Variants in LMNTD2 observed in about 807,000 individuals in gnomAD.
LMNTD2 encodes lamin tail domain-containing protein 2.
LMNTD2 carries 83 observed loss-of-function variants against 70.1 expected under a neutral mutation model. The observed-to-expected ratio is 1.18, with a 90% confidence interval of 0.99 to 1.42. LMNTD2 has a LOEUF of 1.42. LMNTD2 is among the 40% of genes most tolerant of loss of function. The pLI is 0.00. For missense variants in LMNTD2, 1,153 were observed against 905.9 expected (o/e 1.27, Z -3.50); for synonymous variants, 534 against 406.1 (o/e 1.31, Z -3.79).
intron 2 of LMNTD2, 40 bp from the exon 3 acceptor site, chr11:558,806 C>G: frequency 6.3e-7 from 1 of 1,597,408 alleles, no homozygotes; most frequent in Non-Finnish European, 8.6e-7. Flanking sequence ...TCAGGCCGGC[C>G]CCTGGCCACC....
At chr11:559,900 C>A in intron 1 of LMNTD2, 1 of 411,536 alleles carries the variant, frequency 2.4e-6, no homozygotes, top group Non-Finnish European at 3.4e-6. Context: ...GCTGAAACTA[C>A]AGGCACCCGC....
At position 556,631 on chromosome 11, in the gene LMNTD2, G is replaced by A. The variant is rs572832326; in HGVS notation, c.977-43C>T. The stretch of plus-strand genomic sequence containing the variant: ...TTTGGGGAGGGGACCCTCGAATGGA[G>A]TCCCCACCGGATGTTCCCCGTGAGG... On this transcript the variant is annotated intron_variant, in intron 8 of 13. Coordinates refer to ENST00000329451, the MANE Select transcript of LMNTD2 (RefSeq NM_173573.3). The A allele has an allele frequency of 2.2e-5, 32 of 1,454,720 alleles. No homozygotes were observed. The Admixed American group carries it at 5.2e-4, about 24-fold the overall frequency. 90.1% of individuals were successfully genotyped at this position (1,454,720 alleles called of 1,614,324 possible). A position where few individuals can be genotyped will look rare whatever the true frequency, so the allele number is the denominator to read the frequency against.
At position 555,385 on chromosome 11, in the gene LMNTD2, C is replaced by T. The variant is rs1167334968; in HGVS notation, c.1693G>A (p.Asp565Asn). The T allele has an allele frequency of 1.4e-6, 2 of 1,408,768 alleles. No homozygotes were observed. The highest frequency in any genetic ancestry group is 9.2e-7 in the Non-Finnish European group (1 of 1,084,822). The allele number at this position is 1,408,768 out of a possible 1,614,324, so 87.3% of individuals were successfully genotyped here. A position where few individuals can be genotyped will look rare whatever the true frequency, so the allele number is the denominator to read the frequency against. ...GCGGGAGGCGACGGCAGGGTGGGGTCACCCGGGATGGCGGGCAGGTGCTGC... is the reference window on the plus strand; with the variant it reads ...GCGGGAGGCGACGGCAGGGTGGGGTTACCCGGGATGGCGGGCAGGTGCTGC... ...APQHLPAIPG[D>N]PTLPSPPAEA... Residue 565 changes from aspartate (D) to asparagine (N), a missense_variant, in exon 13 of 14, where the codon GAC (aspartate) becomes AAC (asparagine). Asp to Asn is a conservative substitution (Grantham distance 23). Coordinates refer to ENST00000329451, the MANE Select transcript of LMNTD2 (RefSeq NM_173573.3).
intron 3 of LMNTD2, 38 bp downstream of exon 3, chr11:558,576 G>A (rs942835783): frequency 2.5e-6 from 4 of 1,576,692 alleles, no homozygotes; most frequent in Non-Finnish European, 3.5e-6. Context: ...GGCGAGGACA[G>A]GGCGGGGTTG....
chr11:555,425 G>C lies in LMNTD2; in HGVS notation c.1653C>G (p.Pro551=). 7.1e-7 allele frequency: 1 copy of C among 1,398,642 alleles called. No homozygotes were observed. The highest frequency in any genetic ancestry group is 1.6e-5 in the South Asian group (1 of 61,218). 86.6% of individuals were successfully genotyped at this position (1,398,642 alleles called of 1,614,324 possible). Residue 551 remains proline (P), a synonymous_variant, in exon 13 of 14, where the codon CCC becomes CCG. Transcript: ENST00000329451. ...GCAGGTGCTGCGGCGCGGGGATCTC[G>C]GGGTTCTCGGGCCGCGCAGGCCCCT... The part of the protein sequence containing the change: ...AREGPARPEN[P]EIPAPQHLPA...
intron 1 of LMNTD2, chr11:559,252 C>T (rs988441296): frequency 3.1e-5 from 46 of 1,494,560 alleles, no homozygotes; most frequent in East Asian, 2.1e-4. Flanking sequence ...TGGCGTGTAC[C>T]CCTGCCACCC....
At chr11:559,100 C>A in intron 1 of LMNTD2, 121 bp from the exon 2 acceptor site, 1 of 1,516,350 alleles carries the variant, frequency 6.6e-7, no homozygotes, top group Non-Finnish European at 8.8e-7. Context: ...GTGTGCGCCT[C>A]GTGTGGCCAC....
rs1443283027 is a variant in LMNTD2 at position 557,102 on chromosome 11, G to A, written c.714-5C>T. ...TGTGGCCAGGGCCGGGGCTGCCTGT[G>A]GACCACGCTCTGCTTGATGGCCACT... is the stretch of plus-strand genomic sequence containing the variant. On this transcript the variant is annotated splice_region_variant and splice_polypyrimidine_tract_variant and intron_variant, in intron 7 of 13. Coordinates refer to ENST00000329451, the MANE Select transcript of LMNTD2 (RefSeq NM_173573.3). The A allele has an allele frequency of 6.3e-7, 1 of 1,584,718 alleles. No individual in the cohort carries two copies. The highest frequency in any genetic ancestry group is 8.6e-7 in the Non-Finnish European group (1 of 1,164,408).
intron 2 of LMNTD2, 35 bp from the exon 3 acceptor site, chr11:558,801 C>T: frequency 6.3e-7 from 1 of 1,597,912 alleles, no homozygotes; most frequent in East Asian, 2.3e-5. Context: ...CTTACTCAGG[C>T]CGGCCCCTGG....
chr11:554,982 A>G lies in LMNTD2; in HGVS notation c.1903T>C (p.Ter635GlnextTer29). ...PVTADTCRGA[*>Q] The stretch of plus-strand genomic sequence containing the variant: ...GTCCCGGCCCCACTCCTCCGCCCCT[A>G]GGCGCCGCGGCAGGTGTCCGCGGTG... The change falls in exon 14 of 14, where the codon TAG becomes CAG. Residue 635 changes from the stop codon to glutamine (Q), a stop_lost. Transcript: ENST00000329451. 1 of 1,576,244 alleles carries G rather than the reference A, an allele frequency of 6.3e-7. No individual in the cohort carries two copies. Among genetic ancestry groups the G allele is most frequent in the South Asian group, 1.2e-5 (1 of 86,840 alleles).
chr11:556,970 C>G lies in LMNTD2; in HGVS notation c.841G>C (p.Ala281Pro). Residue 281 changes from alanine to proline, a missense_variant, in exon 8 of 14, where the codon GCT (alanine) becomes CCT (proline). By Grantham distance (27) the Ala-to-Pro change is conservative. Coordinates refer to ENST00000329451, the MANE Select transcript of LMNTD2 (RefSeq NM_173573.3). ...PCLNTSSSGG[A>P]DSDSSSCRPG... ...CGGCAGCTGCTGGAGTCGGAGTCAG[C>G]GCCCCCTGAGCTGCTGGTGTTCAGA... is the stretch of plus-strand genomic sequence containing the variant. The G allele has an allele frequency of 6.2e-7, 1 of 1,605,656 alleles. No homozygotes were observed. The highest frequency in any genetic ancestry group is 2.2e-5 in the East Asian group (1 of 44,802).
intron 8 of LMNTD2, 95 bp from the exon 9 acceptor site, chr11:556,683 G>A: frequency 7.1e-7 from 1 of 1,405,774 alleles, no homozygotes; most frequent in Non-Finnish European, 9.4e-7. Context: ...ACGCCTGGCG[G>A]GGCAGGGAGC....
chr11:557,397 A>G lies in LMNTD2; in HGVS notation c.713+2T>C. ...TGGGGAGTCCCTGCTCTGTGCAGTT[A>G]CTTTTGCTTTGAGCTGGGCTCCATG... On this transcript the variant is annotated splice_donor_variant, in intron 7 of 13. Transcript: ENST00000329451. LOFTEE classifies it high-confidence loss of function. The G allele has an allele frequency of 6.3e-7, 1 of 1,597,728 alleles. No homozygotes were observed. Among genetic ancestry groups the G allele is most frequent in the Non-Finnish European group, 8.5e-7 (1 of 1,171,744 alleles).
chr11:557,089 CG>C lies in LMNTD2; in HGVS notation c.721del (p.Arg241GlyfsTer33). 1 of 1,594,422 alleles carries C rather than the reference CG, an allele frequency of 6.3e-7. No homozygotes were observed. The highest frequency in any genetic ancestry group is 8.5e-7 in the Non-Finnish European group (1 of 1,170,022). ...CCCTGTGTCCAGCTGTGGCCAGGGCCGGGGCTGCCTGTGGACCACGCTCTGC... is the reference window on the plus strand; with the variant it reads ...CCCTGTGTCCAGCTGTGGCCAGGGCCGGGCTGCCTGTGGACCACGCTCTGC... ...MEPSSKQKQP[R>X]PWPQLDTGSP... On this transcript the variant is annotated frameshift_variant, in exon 8 of 14. Transcript: ENST00000329451. LOFTEE classifies it high-confidence loss of function.
At chr11:557,826 A>C (rs1852996650) in intron 5 of LMNTD2, 58 bp downstream of exon 5, 1 of 1,514,606 alleles carries the variant, frequency 6.6e-7, no homozygotes, top group Admixed American at 2.1e-5. Flanking sequence ...GCACCCGACG[A>C]GATGGGGAGG....
chr11:560,234 C>G (rs1853189480), intron 1 of LMNTD2: 2 of 905,932 alleles, frequency 2.2e-6, no homozygotes, highest in East Asian at 2.1e-4. Context: ...CAATGGCCCA[C>G]ACAGCTGACC....
rs1852721470 is a variant in LMNTD2, at chr11:555,157, G to GGGAGGAGAGGGGAGCGGCGA, written c.1774-47_1774-46insTCGCCGCTCCCCTCTCCTCC. 18 of 487,450 alleles carry GGGAGGAGAGGGGAGCGGCGA rather than the reference G, an allele frequency of 3.7e-5. 1 individual carries two copies. The highest frequency in any genetic ancestry group is 4.8e-5 in the Non-Finnish European group (16 of 332,040). The allele number at this position is 487,450 out of a possible 1,614,324, so 30.2% of individuals were successfully genotyped here. ...GAGGCGCGCGGGGCGGGGCGGGGACGGGAGGGGAGGGGAGGGGAGGAGAGG... is the reference window on the plus strand; with the variant it reads ...GAGGCGCGCGGGGCGGGGCGGGGACGGGAGGAGAGGGGAGCGGCGAGGAGGGGAGGGGAGGGGAGGAGAGG... On this transcript the variant is annotated intron_variant, in intron 13 of 13. Coordinates refer to ENST00000329451, the MANE Select transcript of LMNTD2 (RefSeq NM_173573.3).
At position 556,127 on chromosome 11, in the gene LMNTD2, T is replaced by A; in HGVS notation, c.1258-12A>T. 1 of 1,392,054 alleles carries A rather than the reference T, an allele frequency of 7.2e-7. No individual in the cohort carries two copies. Among genetic ancestry groups the A allele is most frequent in the Non-Finnish European group, 9.3e-7 (1 of 1,079,650 alleles). 86.2% of individuals were successfully genotyped at this position (1,392,054 alleles called of 1,614,324 possible). On this transcript the variant is annotated splice_polypyrimidine_tract_variant and intron_variant, in intron 10 of 13. Coordinates refer to ENST00000329451, the MANE Select transcript of LMNTD2 (RefSeq NM_173573.3). ...GCCTCGCCCCAGACCTGGAGGGGCGTGGAGCGGCGGGTGAGGGGCGGCCGG... is the reference window on the plus strand; with the variant it reads ...GCCTCGCCCCAGACCTGGAGGGGCGAGGAGCGGCGGGTGAGGGGCGGCCGG...
In LMNTD2 at chr11:556,943, G is replaced by GCCGGCAGCTGCTGGAGT. The variant is rs1852929353; in HGVS notation, c.851_867dup (p.Pro290ThrfsTer15). 6.2e-7 allele frequency: 1 copy of GCCGGCAGCTGCTGGAGT among 1,600,884 alleles called. No individual in the cohort carries two copies. The highest frequency in any genetic ancestry group is 1.3e-5 in the African/African-American group (1 of 74,856). ...ACCTGCACGAAGGAAGGCAGGCCCG[G>GCCGGCAGCTGCTGGAGT]CCGGCAGCTGCTGGAGTCGGAGTCA... On this transcript the variant is annotated frameshift_variant, in exon 8 of 14. Coordinates refer to ENST00000329451, the MANE Select transcript of LMNTD2 (RefSeq NM_173573.3). LOFTEE classifies it high-confidence loss of function.
Sources: gnomAD v4.1 joint callset for allele counts on GRCh38, gnomAD v4.1.1 for gene constraint, MANE v1.5 for transcripts, NCBI Gene and HGNC (gene_info 2026-07-23, HGNC 2026-07-21) for gene names.